Variants in NBAS observed in about 807,000 individuals in gnomAD.
NBAS encodes NBAS subunit of NRZ tethering complex.
A neutral mutation model predicts 302.5 loss-of-function variants in NBAS; 219 were observed. That is an observed-to-expected ratio of 0.72 (90% CI 0.65 to 0.81). The LOEUF (loss-of-function observed/expected upper bound fraction) is 0.81. Among genes scored for constraint, NBAS ranks in the 30% least tolerant of loss-of-function variants. The pLI, the probability that NBAS is intolerant of heterozygous loss-of-function variation, is 0.00. For synonymous variants in NBAS, 1,118 were observed against 1,021.6 expected (o/e 1.09, Z -1.80); for missense variants, 2,932 against 2,841.6 (o/e 1.03, Z -0.72).
the NBAS span, among the ~76,000 whole-genome samples, chr2:14,791,286 C>T: frequency 3.9e-5 from 6 of 152,200 alleles, no homozygotes; most frequent in African/African-American, 4.8e-5. Context: ...CCACCACATC[C>T]GGCCTTCATG....
At chr2:14,787,517 A>G in the NBAS span, among the ~76,000 whole-genome samples, 9 of 151,882 alleles carry the variant, frequency 5.9e-5, no homozygotes, top group African/African-American at 1.5e-4. Context: ...GGCAGGCCTG[A>G]TGGTGACATA....
chr2:14,797,865 A>T, the NBAS span, among the ~76,000 whole-genome samples: 32 of 152,226 alleles, frequency 2.1e-4, no homozygotes, highest in South Asian at 4.1e-3. Flanking sequence ...GCACCCGAAA[A>T]AGTCTTGCAT....
intron 38 of NBAS, among the ~76,000 whole-genome samples, chr2:15,320,213 A>C (rs1671731580): frequency 6.6e-6 from 1 of 152,192 alleles, no homozygotes. Context: ...CATGCTAAAA[A>C]CTCTCAATAA....
chr2:15,507,588 A>G (rs1558398350), intron 10 of NBAS, among the ~76,000 whole-genome samples: 1 of 152,254 alleles, frequency 6.6e-6, no homozygotes, highest in Non-Finnish European at 1.5e-5. Flanking sequence ...AAGCCTTAGT[A>G]GACAGTGGTA....
chr2:15,071,620 T>G, the NBAS span, among the ~76,000 whole-genome samples: 1 of 130,190 alleles, frequency 7.7e-6, no homozygotes, highest in African/African-American at 3.1e-5. Flanking sequence ...CAAGACTCCA[T>G]CTCCAAAAAA....
At chr2:15,114,168 T>C in the NBAS span, among the ~76,000 whole-genome samples, 3 of 152,166 alleles carry the variant, frequency 2.0e-5, no homozygotes, top group Non-Finnish European at 4.4e-5. Context: ...AGAATGGTGG[T>C]ATAAGTTTGC....
chr2:15,205,820 TC>T (rs1319339023), intron 48 of NBAS, among the ~76,000 whole-genome samples: 1 of 152,170 alleles, frequency 6.6e-6, no homozygotes, highest in Non-Finnish European at 1.5e-5. Flanking sequence ...ATCTTGCTTC[TC>T]CTTTACCTTC....
At chr2:15,123,987 A>G in the NBAS span, among the ~76,000 whole-genome samples, 1 of 152,216 alleles carries the variant, frequency 6.6e-6, no homozygotes, top group Admixed American at 6.5e-5. Flanking sequence ...AAGACAAGGG[A>G]AAGCTTGGAA....
Position 15,467,396 on chromosome 2 carries a change from T to G in NBAS, c.2030A>C (p.Glu677Ala). 2 of 1,613,132 alleles carry G rather than the reference T, an allele frequency of 1.2e-6. No homozygotes were observed. Among genetic ancestry groups the G allele is most frequent in the Non-Finnish European group, 1.7e-6 (2 of 1,179,258 alleles). Residue 677 changes from glutamate to alanine, a missense_variant, in exon 19 of 52, where the codon GAA becomes GCA. By Grantham distance (107) the Glu-to-Ala change is moderately radical. Coordinates refer to ENST00000281513, the MANE Select transcript of NBAS (RefSeq NM_015909.4). ...TCTACAACGGCAAAGTTCCTTTTGT[T>G]CCAGTGTCAACCTGTTTTGAATAAC... ...KLVNFSKLTL[E>A]QKELCRCRRK...
At position 15,427,692 on chromosome 2, in the gene NBAS, C is replaced by A; in HGVS notation, c.2423+19G>T. Reference sequence around the variant, plus strand: ...ATCCCACAAAGAAACAAAGATGCCTCCTGCAGGCTCATACTGACCTGCAAG... The same window carrying A: ...ATCCCACAAAGAAACAAAGATGCCTACTGCAGGCTCATACTGACCTGCAAG... On this transcript the variant is annotated intron_variant, in intron 22 of 51. Transcript: ENST00000281513. 1 of 1,591,586 alleles carries A rather than the reference C, an allele frequency of 6.3e-7. No individual in the cohort carries two copies. Among genetic ancestry groups the A allele is most frequent in the Non-Finnish European group, 8.6e-7 (1 of 1,162,936 alleles).
rs1463350327 is a variant in NBAS at position 15,553,482 on chromosome 2, G to A, written c.288-9C>T. ...CCAAAAGCTTTCCATTGCTTTTATG[G>A]AGAAGAAAGAGGGGGAAGAAAATCT... On this transcript the variant is annotated splice_polypyrimidine_tract_variant and intron_variant, in intron 4 of 51. Transcript: ENST00000281513. 2 of 1,607,678 alleles carry A rather than the reference G, an allele frequency of 1.2e-6. No homozygotes were observed. Among genetic ancestry groups the A allele is most frequent in the Admixed American group, 1.7e-5 (1 of 60,012 alleles).
the NBAS span, among the ~76,000 whole-genome samples, chr2:14,935,052 C>T: frequency 6.6e-6 from 1 of 152,146 alleles, no homozygotes; most frequent in Non-Finnish European, 1.5e-5. Context: ...CCTCCATGAG[C>T]CTTTCTATGT....
At position 15,560,878 on chromosome 2, in the gene NBAS, A is replaced by T. The variant is rs2276664; in HGVS notation, c.117+310T>A. Among the ~76,000 whole-genome samples, 78,747 of 151,862 alleles carry T rather than the reference A, an allele frequency of 0.52. 23,395 individuals are homozygous for T. The highest frequency in any genetic ancestry group is 0.67 in the Non-Finnish European group (45,805 of 67,948). On this transcript the variant is annotated intron_variant, in intron 1 of 51. Transcript: ENST00000281513. ...CCTCCTAATACAGAGAGCGACACTA[A>T]CAATCCCCTCTCCTCCCAATACAGA...
chr2:15,239,704 A>T (rs911817163), intron 44 of NBAS, among the ~76,000 whole-genome samples: 8 of 116,526 alleles, frequency 6.9e-5, no homozygotes, highest in Admixed American at 5.8e-4. Context: ...ATGCATATAC[A>T]TATATATATA....
At chr2:15,491,591 C>T (rs1214887707) in intron 11 of NBAS, among the ~76,000 whole-genome samples, 3 of 152,050 alleles carry the variant, frequency 2.0e-5, no homozygotes, top group African/African-American at 7.2e-5. Context: ...AAAAAATTAG[C>T]CAGGCGTGGT....
chr2:15,104,839 A>G, the NBAS span, among the ~76,000 whole-genome samples: 1 of 152,142 alleles, frequency 6.6e-6, no homozygotes, highest in African/African-American at 2.4e-5. Flanking sequence ...TGTTGGCCAC[A>G]TAAATGTCTT....
chr2:15,418,685 T>C (rs998268285), intron 23 of NBAS, among the ~76,000 whole-genome samples: 1 of 151,900 alleles, frequency 6.6e-6, no homozygotes, highest in Non-Finnish European at 1.5e-5. Flanking sequence ...TCAAAGGGTA[T>C]TTGTGAGGTG....
the NBAS span, among the ~76,000 whole-genome samples, chr2:14,822,000 T>A: frequency 6.6e-6 from 1 of 151,872 alleles, no homozygotes; most frequent in Non-Finnish European, 1.5e-5. Flanking sequence ...ACCACTGCAC[T>A]CCAGCCTGGG....
At chr2:15,032,651 A>G in the NBAS span, among the ~76,000 whole-genome samples, 2 of 152,210 alleles carry the variant, frequency 1.3e-5, no homozygotes, top group Admixed American at 6.5e-5. Flanking sequence ...ATTGCAAAAA[A>G]TGAGAAAACA....
Sources: gnomAD v4.1 joint callset for allele counts (sites outside exome capture counted in the v4.1 genomes callset) on GRCh38, gnomAD v4.1.1 for gene constraint, MANE v1.5 for transcripts, NCBI Gene and HGNC (gene_info 2026-07-23, HGNC 2026-07-21) for gene names.